ACO2: variants seen among roughly 807,000 people sequenced by gnomAD.
ACO2 encodes the protein aconitate hydratase, mitochondrial.
Under a neutral mutation model 84.5 loss-of-function variants are expected in ACO2, and 31 were observed. The observed-to-expected ratio is 0.37, with a 90% confidence interval of 0.28 to 0.50. The LOEUF is 0.50. Ranked by LOEUF, ACO2 falls within the 20% of genes least tolerant of loss-of-function variation. The pLI is 0.97. For synonymous variants in ACO2, 414 were observed against 412.7 expected (o/e 1.00, Z -0.04); for missense variants, 685 against 1,029.3 (o/e 0.67, Z 4.58).
chr22:41,484,188 TA>T (rs2038122891), intron 1 of ACO2, among the ~76,000 whole-genome samples: 1 of 152,214 alleles, frequency 6.6e-6, no homozygotes, highest in Non-Finnish European at 1.5e-5. Flanking sequence ...AAAATTACAT[TA>T]AAAACAAAAG....
chr22:41,507,233 C>G (rs2066400172), intron 2 of ACO2, among the ~76,000 whole-genome samples: 1 of 152,026 alleles, frequency 6.6e-6, no homozygotes. Flanking sequence ...AGTTGGGTAG[C>G]CAGGCATCCC....
intron 1 of ACO2, among the ~76,000 whole-genome samples, chr22:41,486,316 C>T (rs1215919882): frequency 2.0e-5 from 3 of 151,876 alleles, no homozygotes; most frequent in African/African-American, 4.8e-5. Context: ...TTTTTTGAGA[C>T]GGAGTCTCGC....
intron 4 of ACO2, chr22:41,512,267 C>T: frequency 3.0e-6 from 1 of 328,572 alleles, no homozygotes. Context: ...CATCTCTATT[C>T]CCATAAACTC....
At chr22:41,524,261 A>G (rs1003456984) in intron 12 of ACO2, among the ~76,000 whole-genome samples, 1 of 152,208 alleles carries the variant, frequency 6.6e-6, no homozygotes, top group African/African-American at 2.4e-5. Context: ...GTGTCCCCGT[A>G]ATCCTCGGGA....
intron 1 of ACO2, among the ~76,000 whole-genome samples, chr22:41,475,811 T>A (rs2146078588): frequency 6.7e-6 from 1 of 149,496 alleles, no homozygotes; most frequent in South Asian, 2.1e-4. Context: ...GGCAGGAGAA[T>A]CAGCTGAACC....
chr22:41,512,325 C>T (rs1441499015), intron 4 of ACO2: 3 of 208,078 alleles, frequency 1.4e-5, no homozygotes, highest in Admixed American at 6.0e-5. Context: ...AGTGTCACCC[C>T]TTGTGGCATG....
At chr22:41,498,960 G>A (rs1358349100) in intron 1 of ACO2, among the ~76,000 whole-genome samples, 1 of 152,080 alleles carries the variant, frequency 6.6e-6, no homozygotes, top group Non-Finnish European at 1.5e-5. Context: ...CAGGCATGGT[G>A]GTGCGTGCCT....
intron 10 of ACO2, 79 bp downstream of exon 10, chr22:41,523,066 T>C: frequency 6.3e-7 from 1 of 1,583,240 alleles, no homozygotes; most frequent in Non-Finnish European, 8.6e-7. Flanking sequence ...CCCAGAGGCC[T>C]GTTGGGCCGG....
intron 1 of ACO2, among the ~76,000 whole-genome samples, chr22:41,495,078 G>T (rs936290174): frequency 6.6e-6 from 1 of 152,072 alleles, no homozygotes; most frequent in African/African-American, 2.4e-5. Flanking sequence ...CCAGGCTGGA[G>T]TGCAGTGGTG....
intron 17 of ACO2, 46 bp downstream of exon 17, chr22:41,528,068 A>C (rs1402893920): frequency 6.2e-7 from 1 of 1,612,704 alleles, no homozygotes; most frequent in Admixed American, 1.7e-5. Flanking sequence ...AGGGGCAGCC[A>C]CCTTGTTTCC....
At position 41,504,248 on chromosome 22, in the gene ACO2, G is replaced by A. The variant is rs905599594; in HGVS notation, c.174-3543G>A. Among the ~76,000 whole-genome samples the A allele has an allele frequency of 2.6e-5, 4 of 152,220 alleles. No homozygotes were observed. The East Asian group carries it at 7.7e-4, about 29-fold the overall frequency. On this transcript the variant is annotated intron_variant, in intron 2 of 17. Coordinates refer to ENST00000216254, the MANE Select transcript of ACO2 (RefSeq NM_001098.3). The stretch of plus-strand genomic sequence containing the variant: ...CTGGCTCAAAAAATAAAAATAAAGC[G>A]TTCTATTCTAAGAATTTTTTAGAAG...
At chr22:41,512,091 C>G in intron 4 of ACO2, 123 bp downstream of exon 4, 1 of 602,622 alleles carries the variant, frequency 1.7e-6, no homozygotes, top group Non-Finnish European at 2.8e-6. Context: ...TATCCATCAG[C>G]TCTTATGCTC....
rs150476565 is a variant in ACO2, at chr22:41,493,787, G to A, written c.37-5939G>A. ...TGTAAAAAATAAAAAGGCCAGGCGC[G>A]GTGGCTCACACCTGTAATCCCAGCA... On this transcript the variant is annotated intron_variant, in intron 1 of 17. Coordinates refer to ENST00000216254, the MANE Select transcript of ACO2 (RefSeq NM_001098.3). Among the ~76,000 whole-genome samples, 1,070 of 152,154 alleles carry A rather than the reference G, an allele frequency of 7.0e-3. 16 individuals are homozygous for A. The highest frequency in any genetic ancestry group is 0.024 in the African/African-American group (1,003 of 41,516).
chr22:41,524,707 C>A (rs140788195), intron 12 of ACO2, 139 bp from the exon 13 acceptor site: 1 of 1,365,936 alleles, frequency 7.3e-7, no homozygotes, highest in Non-Finnish European at 1.0e-6. Context: ...CAGCTCTGGC[C>A]TCTGAGGAAC....
chr22:41,481,072 A>G (rs2038081714), intron 1 of ACO2, among the ~76,000 whole-genome samples: 1 of 152,086 alleles, frequency 6.6e-6, no homozygotes, highest in African/African-American at 2.4e-5. Flanking sequence ...TCGGCTTCCT[A>G]AAGTGCTGGG....
intron 12 of ACO2, 49 bp downstream of exon 12, chr22:41,523,990 C>T: frequency 6.4e-7 from 1 of 1,557,146 alleles, no homozygotes; most frequent in Non-Finnish European, 8.8e-7. Flanking sequence ...CTGGGGGTCC[C>T]TGGCGGGTCA....
chr22:41,526,489 A>G, intron 15 of ACO2, 36 bp downstream of exon 15: 1 of 1,583,872 alleles, frequency 6.3e-7, no homozygotes, highest in Non-Finnish European at 8.6e-7. Context: ...GCCAGTGGTC[A>G]CTCCTGAAGG....
At position 41,515,515 on chromosome 22, in the gene ACO2, T is replaced by C; in HGVS notation, c.664T>C (p.Trp222Arg). Residue 222 changes from tryptophan (W) to arginine (R), a missense_variant, in exon 5 of 18, where the codon TGG becomes CGG. Transcript: ENST00000216254. The surrounding 1 kb of genome is among the most constrained non-coding windows in gnomAD (Gnocchi z 5.8). ...TGTGGATGTCATGGCTGGGATCCCCTGGGAGCTGAAGTGCCCCAAGGTGAG... is the reference window on the plus strand; with the variant it reads ...TGTGGATGTCATGGCTGGGATCCCCCGGGAGCTGAAGTGCCCCAAGGTGAG... ...DAVDVMAGIPWELKCPKVIGV... is the reference protein window; with the variant it reads ...DAVDVMAGIPRELKCPKVIGV... 1 of 1,612,480 alleles carries C rather than the reference T, an allele frequency of 6.2e-7. No homozygotes were observed. Among genetic ancestry groups the C allele is most frequent in the Non-Finnish European group, 8.5e-7 (1 of 1,179,186 alleles).
At chr22:41,503,242 A>G (rs1327100345) in intron 2 of ACO2, among the ~76,000 whole-genome samples, 1 of 152,164 alleles carries the variant, frequency 6.6e-6, no homozygotes, top group East Asian at 1.9e-4. Context: ...GCAACCAGAA[A>G]AGTCCAATAA....
Sources: gnomAD v4.1 joint callset for allele counts (sites outside exome capture counted in the v4.1 genomes callset) on GRCh38, gnomAD v4.1.1 for gene constraint, Gnocchi (gnomAD v3.1) non-coding constraint, MANE v1.5 for transcripts, NCBI Gene and HGNC (gene_info 2026-07-23, HGNC 2026-07-21) for gene names.